The following GADL1 variants were observed in gnomAD, a reference collection of about 807,000 sequenced individuals.
The protein encoded by GADL1 is acidic amino acid decarboxylase GADL1.
Under a neutral mutation model 69.5 loss-of-function variants are expected in GADL1, and 71 were observed. That is an observed-to-expected ratio of 1.02 (90% CI 0.84 to 1.25). The LOEUF (loss-of-function observed/expected upper bound fraction) is 1.25. Among genes scored for constraint, GADL1 ranks in the 50% most tolerant of loss-of-function variants. The pLI, the probability that GADL1 is intolerant of heterozygous loss-of-function variation, is 0.00. For synonymous variants in GADL1, 254 were observed against 214.4 expected (o/e 1.18, Z -1.62); for missense variants, 737 against 631.8 (o/e 1.17, Z -1.79).
chr3:30,732,276 G>A (rs965750606), intron 14 of GADL1, among the ~76,000 whole-genome samples: 1 of 152,078 alleles, frequency 6.6e-6, no homozygotes, highest in African/African-American at 2.4e-5. Context: ...CGCGCATAGA[G>A]GAAAGCAATT....
At chr3:30,844,779 G>A (rs960445715) in intron 6 of GADL1, among the ~76,000 whole-genome samples, 7 of 152,034 alleles carry the variant, frequency 4.6e-5, no homozygotes, top group South Asian at 2.1e-4. Context: ...CCATCTGCTC[G>A]TGCTAGACAA....
intron 1 of GADL1, among the ~76,000 whole-genome samples, chr3:30,864,271 TTAG>T (rs1698363569): frequency 6.6e-6 from 1 of 151,800 alleles, no homozygotes; most frequent in African/African-American, 2.4e-5. Flanking sequence ...TTTAACCTCA[TTAG>T]TAGGATTTCA....
At chr3:30,768,289 G>A (rs943254076) in intron 14 of GADL1, among the ~76,000 whole-genome samples, 5 of 152,010 alleles carry the variant, frequency 3.3e-5, no homozygotes, top group Non-Finnish European at 5.9e-5. Context: ...GCAAAACCCT[G>A]GAAACCTAAA....
chr3:30,866,816 A>G (rs1232081669), intron 1 of GADL1, among the ~76,000 whole-genome samples: 2 of 152,014 alleles, frequency 1.3e-5, no homozygotes, highest in Non-Finnish European at 2.9e-5. Context: ...CAGATTATAA[A>G]CCTACAGAAA....
chr3:30,759,401 A>T (rs1696065616), intron 14 of GADL1, among the ~76,000 whole-genome samples: 1 of 152,120 alleles, frequency 6.6e-6, no homozygotes, highest in Non-Finnish European at 1.5e-5. Flanking sequence ...TTCTTGTTAC[A>T]CTGGACATTT....
intron 14 of GADL1, among the ~76,000 whole-genome samples, chr3:30,764,380 C>T (rs1696217891): frequency 6.6e-6 from 1 of 152,156 alleles, no homozygotes; most frequent in African/African-American, 2.4e-5. Flanking sequence ...ACATAATTCT[C>T]TTGAGTTATG....
At chr3:30,835,896 G>A (rs1283667791) in intron 9 of GADL1, among the ~76,000 whole-genome samples, 1 of 152,008 alleles carries the variant, frequency 6.6e-6, no homozygotes, top group East Asian at 1.9e-4. Context: ...AATGGACCAC[G>A]TGTGACTCAG....
chr3:30,745,184 T>C (rs1695684289), intron 14 of GADL1, among the ~76,000 whole-genome samples: 1 of 152,232 alleles, frequency 6.6e-6, no homozygotes, highest in Non-Finnish European at 1.5e-5. Context: ...TGTGCTACTA[T>C]TCAGGACTCA....
intron 14 of GADL1, among the ~76,000 whole-genome samples, chr3:30,771,267 C>T (rs1238332165): frequency 1.3e-5 from 2 of 152,196 alleles, no homozygotes; most frequent in African/African-American, 4.8e-5. Context: ...ACCTAAGTGG[C>T]TTCTTGACCC....
chr3:30,780,588 GTTA>G (rs1367508620), intron 13 of GADL1, among the ~76,000 whole-genome samples: 2 of 152,154 alleles, frequency 1.3e-5, no homozygotes, highest in Non-Finnish European at 2.9e-5. Flanking sequence ...CACCAAATTT[GTTA>G]TTCCCTTTCA....
At chr3:30,857,290 G>T in intron 2 of GADL1, 149 bp from the exon 3 acceptor site, 1 of 666,490 alleles carries the variant, frequency 1.5e-6, no homozygotes, top group South Asian at 2.0e-5. Context: ...AACTATTACA[G>T]TAATGTAGAT....
At chr3:30,855,484 C>G (rs755666210) in intron 3 of GADL1, among the ~76,000 whole-genome samples, 2 of 152,032 alleles carry the variant, frequency 1.3e-5, no homozygotes, top group Non-Finnish European at 2.9e-5. Context: ...TGGACCCATG[C>G]GACTGGCAGT....
At chr3:30,870,772 C>T (rs887731944) in intron 1 of GADL1, among the ~76,000 whole-genome samples, 10 of 151,276 alleles carry the variant, frequency 6.6e-5, no homozygotes, top group Middle Eastern at 3.4e-3. Flanking sequence ...AAAGAACTTG[C>T]GGATAGATTG....
intron 13 of GADL1, among the ~76,000 whole-genome samples, chr3:30,779,944 TCTC>T (rs1696624253): frequency 6.6e-6 from 1 of 152,080 alleles, no homozygotes; most frequent in Non-Finnish European, 1.5e-5. Context: ...CTTTCATGGG[TCTC>T]CTACAGAATC....
chr3:30,771,833 A>C (rs1296758280), intron 14 of GADL1, among the ~76,000 whole-genome samples: 4 of 152,214 alleles, frequency 2.6e-5, no homozygotes, highest in Non-Finnish European at 4.4e-5. Context: ...GTGTGTATGC[A>C]TATCTACAAG....
chr3:30,776,371 C>G (rs1316070124), intron 14 of GADL1, among the ~76,000 whole-genome samples: 1 of 152,200 alleles, frequency 6.6e-6, no homozygotes. Flanking sequence ...TTCCTCTAAA[C>G]TTCACCACTA....
intron 14 of GADL1, among the ~76,000 whole-genome samples, chr3:30,744,361 T>A (rs924918731): frequency 6.6e-6 from 1 of 152,004 alleles, no homozygotes; most frequent in Non-Finnish European, 1.5e-5. Context: ...ATCATAAAGG[T>A]GGTTTAGTCA....
At chr3:30,808,278 T>C (rs181693035) in intron 11 of GADL1, among the ~76,000 whole-genome samples, 16 of 152,138 alleles carry the variant, frequency 1.1e-4, no homozygotes, top group African/African-American at 3.6e-4. Context: ...GGCAGATCAC[T>C]TGAGGTCAGG....
intron 1 of GADL1, among the ~76,000 whole-genome samples, chr3:30,889,270 A>C (rs1028639493): frequency 2.0e-5 from 3 of 152,008 alleles, no homozygotes; most frequent in African/African-American, 7.2e-5. Context: ...CCCTCCCATG[A>C]TGTGTGGATT....
Sources: gnomAD v4.1 joint callset for allele counts (sites outside exome capture counted in the v4.1 genomes callset) on GRCh38, gnomAD v4.1.1 for gene constraint, MANE v1.5 for transcripts, NCBI Gene and HGNC (gene_info 2026-07-23, HGNC 2026-07-21) for gene names.